Variants in TMIGD3 observed in about 807,000 individuals in gnomAD.
TMIGD3 encodes the protein AD026 protein (AD026).
A neutral mutation model predicts 28.1 loss-of-function variants in TMIGD3; 21 were observed. That is an observed-to-expected ratio of 0.75 (90% confidence interval 0.53 to 1.08). TMIGD3 has a LOEUF of 1.08. Ranked by LOEUF, TMIGD3 falls within the 50% of genes least tolerant of loss-of-function variation. The pLI is 0.00. For missense variants in TMIGD3, 416 were observed against 435.6 expected (o/e 0.96, Z 0.40); for synonymous variants, 151 against 162.1 (o/e 0.93, Z 0.52).
intron 1 of TMIGD3, among the ~76,000 whole-genome samples, chr1:111,515,832 A>T (rs1243474010): frequency 6.6e-6 from 1 of 151,830 alleles, no homozygotes; most frequent in Non-Finnish European, 1.5e-5. Context: ...GGCCGGACGC[A>T]CTCCTCCGGA....
chr1:111,485,555 T>C (rs1263879914), intron 5 of TMIGD3, 185 bp downstream of exon 5: 1 of 529,600 alleles, frequency 1.9e-6, no homozygotes, highest in Non-Finnish European at 3.3e-6. Context: ...GCTCCCTCTG[T>C]CACTTCTCGT....
At chr1:111,536,375 C>G (rs1656640180) in intron 1 of TMIGD3, among the ~76,000 whole-genome samples, 2 of 152,126 alleles carry the variant, frequency 1.3e-5, no homozygotes, top group Admixed American at 6.5e-5. Flanking sequence ...AAGCTAAAAG[C>G]CCTAGCAGCA....
chr1:111,483,840 ACT>A (rs768312907), intron 5 of TMIGD3, 83 bp from the exon 6 acceptor site: 26 of 1,121,836 alleles, frequency 2.3e-5, no homozygotes, highest in Non-Finnish European at 3.5e-5. Flanking sequence ...AAAGTTCCAA[ACT>A]CTGTCATGGG....
rs1193621038 is a variant in TMIGD3 at position 111,549,961 on chromosome 1, G to GT, written c.107+13884dup. Among the ~76,000 whole-genome samples, 14 of 152,134 alleles carry GT rather than the reference G, an allele frequency of 9.2e-5. No individual in the cohort carries two copies. The South Asian group carries it at 2.7e-3, about 29-fold the overall frequency. On this transcript the variant is annotated intron_variant, in intron 1 of 5. Transcript: ENST00000369717. Reference sequence around the variant, plus strand: ...AGCACCACAGCCAGCCTTGTTTTGGGTTTTTTTGTTGGAAGTTTTTTGATT... The same window carrying GT: ...AGCACCACAGCCAGCCTTGTTTTGGGTTTTTTTTGTTGGAAGTTTTTTGATT...
intron 1 of TMIGD3, among the ~76,000 whole-genome samples, chr1:111,513,235 C>T (rs770100281): frequency 6.6e-6 from 1 of 152,154 alleles, no homozygotes; most frequent in African/African-American, 2.4e-5. Context: ...GAAGGCCTGG[C>T]GGATCACTCA....
intron 1 of TMIGD3, among the ~76,000 whole-genome samples, chr1:111,531,975 G>A (rs1044940343): frequency 1.6e-4 from 25 of 152,168 alleles, no homozygotes; most frequent in Middle Eastern, 3.4e-3. Context: ...TGTTAGATGC[G>A]ACTGTTGGTC....
At chr1:111,528,555 G>C (rs1297659298) in intron 1 of TMIGD3, among the ~76,000 whole-genome samples, 2 of 152,002 alleles carry the variant, frequency 1.3e-5, no homozygotes, top group Non-Finnish European at 2.9e-5. Flanking sequence ...AAAATAACTT[G>C]GTGGAATTTT....
intron 1 of TMIGD3, chr1:111,542,272 G>A: frequency 5.0e-6 from 3 of 598,436 alleles, no homozygotes; most frequent in East Asian, 4.6e-5. Context: ...CGTATTTCAG[G>A]ATCAGACCTG....
intron 1 of TMIGD3, among the ~76,000 whole-genome samples, chr1:111,519,231 A>C (rs1407252824): frequency 6.6e-6 from 1 of 152,138 alleles, no homozygotes; most frequent in African/African-American, 2.4e-5. Flanking sequence ...GAGCCACCGC[A>C]ACCAGCCCCA....
At chr1:111,493,403 C>T (rs61788177) in intron 1 of TMIGD3, among the ~76,000 whole-genome samples, 11 of 152,108 alleles carry the variant, frequency 7.2e-5, no homozygotes, top group East Asian at 3.9e-4. Context: ...GCTTCCCTTG[C>T]GTTCATCATG....
intron 1 of TMIGD3, among the ~76,000 whole-genome samples, chr1:111,534,181 C>T (rs1283092165): frequency 6.6e-6 from 1 of 152,136 alleles, no homozygotes; most frequent in Non-Finnish European, 1.5e-5. Flanking sequence ...GTTCTACAAA[C>T]TTATATCACC....
intron 1 of TMIGD3, among the ~76,000 whole-genome samples, chr1:111,553,965 C>G (rs1657378362): frequency 6.6e-6 from 1 of 152,188 alleles, no homozygotes; most frequent in African/African-American, 2.4e-5. Context: ...TGCATTGCTT[C>G]CCCATTCTGA....
rs1656926970 is a variant in TMIGD3 at position 111,543,628 on chromosome 1, AGG to A, written c.107+20216_107+20217del. 1.7e-3 allele frequency among the ~76,000 whole-genome samples: 4 copies of A among 2,320 alleles called. No homozygotes were observed. The South Asian group carries it at 0.083, about 48-fold the overall frequency. The allele number at this position is 2,320 out of a possible 152,430, so 1.5% of individuals were successfully genotyped here. A position where few individuals can be genotyped will look rare whatever the true frequency, so the allele number is the denominator to read the frequency against. ...GAGGAGGAGGAAGAGAAGGAGGAAT[AGG>A]AGGAGGAAGAGAAGGAGGAATAGGA... On this transcript the variant is annotated intron_variant, in intron 1 of 5. Coordinates refer to the TMIGD3 transcript ENST00000369717.
intron 1 of TMIGD3, chr1:111,499,842 G>GA: frequency 1.3e-6 from 2 of 1,530,800 alleles, no homozygotes; most frequent in Non-Finnish European, 8.7e-7. Context: ...CACCTCAGTG[G>GA]AAGTAATCAA....
At chr1:111,500,727 A>G in intron 1 of TMIGD3, 1 of 650,190 alleles carries the variant, frequency 1.5e-6, no homozygotes, top group South Asian at 2.1e-5. Context: ...TTCCAGCTAA[A>G]CTCCACTGGA....
chr1:111,494,624 A>G (rs901807350), intron 1 of TMIGD3, among the ~76,000 whole-genome samples: 1 of 152,214 alleles, frequency 6.6e-6, no homozygotes, highest in Non-Finnish European at 1.5e-5. Flanking sequence ...TACAGATTCA[A>G]TGTGATTCCT....
At chr1:111,561,505 A>T (rs1657735296) in intron 1 of TMIGD3, among the ~76,000 whole-genome samples, 1 of 152,106 alleles carries the variant, frequency 6.6e-6, no homozygotes, top group South Asian at 2.1e-4. Context: ...TTGTGTATGT[A>T]TTGGGGGAAG....
chr1:111,503,582 C>G lies in TMIGD3; in HGVS notation c.-228G>C. On this transcript the variant is annotated 5_prime_UTR_variant, in exon 1 of 6. Coordinates refer to ENST00000369716, the MANE Select transcript of TMIGD3 (RefSeq NM_020683.7). ...GTGGGTCACTTCCAGCCCCTTTATG[C>G]ACCGCACATCCTCAAGTTTCCAGAA... 1 of 1,361,794 alleles carries G rather than the reference C, an allele frequency of 7.3e-7. No homozygotes were observed. The highest frequency in any genetic ancestry group is 3.1e-5 in the Admixed American group (1 of 32,658). 84.4% of individuals were successfully genotyped at this position (1,361,794 alleles called of 1,614,324 possible).
chr1:111,563,026 A>G (rs1051984181), intron 1 of TMIGD3, among the ~76,000 whole-genome samples: 3 of 152,314 alleles, frequency 2.0e-5, no homozygotes, highest in African/African-American at 4.8e-5. Context: ...TATAATGTCA[A>G]TATTGTGGAT....
Sources: gnomAD v4.1 joint callset for allele counts (sites outside exome capture counted in the v4.1 genomes callset) on GRCh38, gnomAD v4.1.1 for gene constraint, MANE v1.5 for transcripts, NCBI Gene and HGNC (gene_info 2026-07-23, HGNC 2026-07-21) for gene names.